Variants in CNTN5 observed in about 807,000 individuals in gnomAD.
The protein encoded by CNTN5 is contactin-5.
A neutral mutation model predicts 129.1 loss-of-function variants in CNTN5; 77 were observed. The observed-to-expected ratio is 0.60, with a 90% CI of 0.50 to 0.72. The LOEUF (loss-of-function observed/expected upper bound fraction) is 0.72. CNTN5 is among the 30% of genes least tolerant of loss of function. CNTN5 has a pLI of 0.00. For synonymous variants in CNTN5, 509 were observed against 465.6 expected (o/e 1.09, Z -1.20); for missense variants, 1,478 against 1,328.8 (o/e 1.11, Z -1.75).
chr11:100,120,335 C>T (rs1210932456), intron 13 of CNTN5, among the ~76,000 whole-genome samples: 2 of 151,912 alleles, frequency 1.3e-5, no homozygotes, highest in African/African-American at 4.8e-5. Context: ...AATGTCATTT[C>T]CTTCATTTGA....
At chr11:99,211,588 C>T (rs1341070129) in intron 1 of CNTN5, among the ~76,000 whole-genome samples, 1 of 151,508 alleles carries the variant, frequency 6.6e-6, no homozygotes, top group African/African-American at 2.4e-5. Flanking sequence ...AATAGTATCA[C>T]TTCATTTAAT....
At chr11:99,359,712 T>C (rs932982940) in intron 2 of CNTN5, among the ~76,000 whole-genome samples, 2 of 152,074 alleles carry the variant, frequency 1.3e-5, no homozygotes, top group Non-Finnish European at 2.9e-5. Context: ...CAGATATGCA[T>C]GAGTCTCAAG....
chr11:99,977,470 G>A (rs763317649), intron 8 of CNTN5, among the ~76,000 whole-genome samples: 1 of 152,138 alleles, frequency 6.6e-6, no homozygotes, highest in Non-Finnish European at 1.5e-5. Flanking sequence ...CCTGAGACTT[G>A]GTAATTTATA....
intron 3 of CNTN5, among the ~76,000 whole-genome samples, chr11:99,610,524 T>C (rs1394384732): frequency 6.6e-6 from 1 of 152,174 alleles, no homozygotes; most frequent in East Asian, 1.9e-4. Context: ...AAAATTAGTT[T>C]GTAAGAAGTC....
chr11:99,800,782 T>C (rs1331698279), intron 3 of CNTN5, among the ~76,000 whole-genome samples: 1 of 152,182 alleles, frequency 6.6e-6, no homozygotes, highest in Non-Finnish European at 1.5e-5. Flanking sequence ...CGATCTTCCT[T>C]AAGTCTTTTA....
At chr11:100,328,816 C>T (rs563546455) in intron 21 of CNTN5, among the ~76,000 whole-genome samples, 10 of 152,312 alleles carry the variant, frequency 6.6e-5, no homozygotes, top group Middle Eastern at 3.4e-3. Context: ...GGTGGCAGAA[C>T]TAGCTTGCAG....
intron 21 of CNTN5, among the ~76,000 whole-genome samples, chr11:100,311,265 G>T (rs1591503815): frequency 6.6e-6 from 1 of 151,972 alleles, no homozygotes; most frequent in Non-Finnish European, 1.5e-5. Flanking sequence ...TGAAAAAGAT[G>T]AGACAAAGAT....
intron 3 of CNTN5, among the ~76,000 whole-genome samples, chr11:99,812,564 A>G (rs748433146): frequency 9.9e-5 from 15 of 152,132 alleles, no homozygotes; most frequent in Non-Finnish European, 2.1e-4. Context: ...TCTATGAGGG[A>G]ATTCCTGTTG....
chr11:99,161,164 GT>G (rs1414191246), intron 1 of CNTN5, among the ~76,000 whole-genome samples: 1 of 151,986 alleles, frequency 6.6e-6, no homozygotes, highest in African/African-American at 2.4e-5. Context: ...GTTAATATTT[GT>G]TTGCATGTTA....
chr11:99,460,443 AT>A (rs1191503377), intron 2 of CNTN5, among the ~76,000 whole-genome samples: 1 of 151,966 alleles, frequency 6.6e-6, no homozygotes, highest in Non-Finnish European at 1.5e-5. Flanking sequence ...CAGGAAAGAC[AT>A]ATTTACTCTC....
Position 99,844,948 on chromosome 11 carries a change from T to A in CNTN5, c.374T>A (p.Val125Asp). ...DEKKVALNCE[V>D]RGNPVPSYRW... ...AAGAAGGTAGCATTGAATTGTGAAGTTCGTGGCAATCCAGTTCCCAGTTAC... is the reference window on the plus strand; with the variant it reads ...AAGAAGGTAGCATTGAATTGTGAAGATCGTGGCAATCCAGTTCCCAGTTAC... The change falls in exon 5 of 25, where the codon GTT (valine) becomes GAT (aspartate). Residue 125 changes from valine to aspartate, a missense_variant. By Grantham distance (152) the Val-to-Asp change is radical (BLOSUM62 -3). Coordinates refer to ENST00000524871, the MANE Select transcript of CNTN5 (RefSeq NM_014361.4). The A allele has an allele frequency of 1.2e-6, 2 of 1,613,764 alleles. No individual in the cohort carries two copies. The highest frequency in any genetic ancestry group is 1.7e-6 in the Non-Finnish European group (2 of 1,179,804).
intron 7 of CNTN5, among the ~76,000 whole-genome samples, chr11:99,947,905 G>T (rs1351747644): frequency 6.6e-6 from 1 of 152,100 alleles, no homozygotes; most frequent in Non-Finnish European, 1.5e-5. Flanking sequence ...TTAAATACCT[G>T]CCTTATGAAT....
intron 1 of CNTN5, among the ~76,000 whole-genome samples, chr11:99,047,118 G>T (rs910183101): frequency 5.3e-5 from 8 of 151,686 alleles, no homozygotes; most frequent in Admixed American, 4.6e-4. Flanking sequence ...TTTAAACATG[G>T]CAATGATTAT....
At chr11:99,845,366 C>CTTTTTTTTTTTTT (rs869305728) in intron 6 of CNTN5, 104 bp downstream of exon 6, 3 of 85,464 alleles carry the variant, frequency 3.5e-5, no homozygotes, top group South Asian at 3.6e-4. Context: ...GATCTCAAAT[C>CTTTTTTTTTTTTT]TTTTTTTTTT....
intron 2 of CNTN5, among the ~76,000 whole-genome samples, chr11:99,455,458 A>C (rs147761523): frequency 6.6e-6 from 1 of 152,090 alleles, no homozygotes; most frequent in Admixed American, 6.6e-5. Context: ...TTTAAAAAAA[A>C]CATAAGAATT....
At chr11:99,211,721 T>G (rs1194667802) in intron 1 of CNTN5, among the ~76,000 whole-genome samples, 1 of 152,154 alleles carries the variant, frequency 6.6e-6, no homozygotes, top group African/African-American at 2.4e-5. Context: ...CTATCGTATT[T>G]TCAGTTTTGA....
chr11:99,592,269 G>A (rs1164757182), intron 3 of CNTN5, among the ~76,000 whole-genome samples: 1 of 152,176 alleles, frequency 6.6e-6, no homozygotes, highest in Non-Finnish European at 1.5e-5. Flanking sequence ...CTAGAGAGGG[G>A]TTATTAGATG....
At chr11:100,258,432 A>C (rs1950124276) in intron 17 of CNTN5, among the ~76,000 whole-genome samples, 1 of 152,208 alleles carries the variant, frequency 6.6e-6, no homozygotes, top group South Asian at 2.1e-4. Flanking sequence ...CAGGAAATAG[A>C]GAGAACACCA....
chr11:99,540,088 G>T (rs1470986028), intron 2 of CNTN5, among the ~76,000 whole-genome samples: 1 of 152,054 alleles, frequency 6.6e-6, no homozygotes, highest in African/African-American at 2.4e-5. Context: ...GTTGTGCTTT[G>T]CCCCTGCATG....
Sources: allele counts gnomAD v4.1 joint callset (sites outside exome capture counted in the v4.1 genomes callset), GRCh38; gene constraint gnomAD v4.1.1; transcripts MANE v1.5; gene names NCBI Gene and HGNC (gene_info 2026-07-23, HGNC 2026-07-21).